Variants in SMIM31 observed in about 807,000 individuals in gnomAD.
SMIM31 encodes human epithelial cell program regulator.
chr4:164,799,361 G>A (rs1291988292), intron 2 of SMIM31, among the ~76,000 whole-genome samples: 1 of 151,848 alleles, frequency 6.6e-6, no homozygotes, highest in Non-Finnish European at 1.5e-5. Flanking sequence ...CTCCAGCCTG[G>A]GCAACAGAGC....
intron 1 of SMIM31, among the ~76,000 whole-genome samples, chr4:164,758,203 C>T (rs1732592556): frequency 6.6e-6 from 1 of 151,820 alleles, no homozygotes; most frequent in South Asian, 2.1e-4. Flanking sequence ...TATATAGAAA[C>T]GCAATTGGTT....
intron 2 of SMIM31, among the ~76,000 whole-genome samples, chr4:164,797,316 G>A (rs2110965233): frequency 6.6e-6 from 1 of 152,072 alleles, no homozygotes; most frequent in Admixed American, 6.6e-5. Flanking sequence ...CTGCAAGAAG[G>A]TAAACTTGGG....
intron 1 of SMIM31, among the ~76,000 whole-genome samples, chr4:164,763,156 G>T (rs553156022): frequency 1.3e-5 from 2 of 152,240 alleles, no homozygotes; most frequent in South Asian, 4.2e-4. Flanking sequence ...TGTAAATTTG[G>T]CAATGCTTCT....
chr4:164,780,271 C>CA (rs1401210836), intron 2 of SMIM31, among the ~76,000 whole-genome samples: 2 of 152,056 alleles, frequency 1.3e-5, no homozygotes, highest in Non-Finnish European at 2.9e-5. Flanking sequence ...ACTAAAAATA[C>CA]AAAAAATTAG....
chr4:164,775,322 C>G (rs2110938721), intron 2 of SMIM31, among the ~76,000 whole-genome samples: 1 of 152,282 alleles, frequency 6.6e-6, no homozygotes, highest in African/African-American at 2.4e-5. Flanking sequence ...AAGCTGCAGA[C>G]AAGAACAGAC....
intron 2 of SMIM31, among the ~76,000 whole-genome samples, chr4:164,792,543 G>A (rs916921977): frequency 6.6e-6 from 1 of 152,124 alleles, no homozygotes; most frequent in Non-Finnish European, 1.5e-5. Context: ...GCCAAAATTT[G>A]TCTAAATTTT....
Position 164,755,240 on chromosome 4 carries a change from G to T in SMIM31, c.-26+829G>T, listed in dbSNP as rs976068957. On this transcript the variant is annotated intron_variant, in intron 1 of 2. Transcript: ENST00000507311. ...CATGCCTGTAATCCCAGTACTTTGG[G>T]AGGCCAAGGCAGGAAGATCACTTGA... 3.3e-5 allele frequency among the ~76,000 whole-genome samples: 5 copies of T among 151,456 alleles called. No homozygotes were observed. In the East Asian group the frequency reaches 1.0e-3, roughly 31 times the overall value.
intron 2 of SMIM31, among the ~76,000 whole-genome samples, chr4:164,782,832 G>C (rs1196831144): frequency 6.6e-6 from 1 of 151,918 alleles, no homozygotes; most frequent in Non-Finnish European, 1.5e-5. Flanking sequence ...TGTACATACA[G>C]GATAGTTTTT....
rs547812071 is a variant in SMIM31, at chr4:164,794,878, G to A, written c.113-6213G>A. Among the ~76,000 whole-genome samples the A allele has an allele frequency of 6.3e-3, 958 of 151,290 alleles. 5 individuals are homozygous for A. Among genetic ancestry groups the A allele is most frequent in the Admixed American group, 0.01 (157 of 15,200 alleles). On this transcript the variant is annotated intron_variant, in intron 2 of 2. Coordinates refer to ENST00000507311, the MANE Select transcript of SMIM31 (RefSeq NM_001352885.1). ...ATATCTTATAGAGATACACAGAGAG[G>A]AAGAGAAAGTATAAAAATATTTTTT...
chr4:164,781,742 T>A (rs1379394258), intron 2 of SMIM31, among the ~76,000 whole-genome samples: 3 of 152,112 alleles, frequency 2.0e-5, no homozygotes, highest in African/African-American at 7.2e-5. Context: ...TGAGACCCAC[T>A]GTGCCAAGCA....
chr4:164,794,855 A>G (rs1733168307), intron 2 of SMIM31, among the ~76,000 whole-genome samples: 1 of 151,800 alleles, frequency 6.6e-6, no homozygotes, highest in Non-Finnish European at 1.5e-5. Context: ...AAATGAATAT[A>G]TCTTATAGAG....
chr4:164,770,506 C>T lies in SMIM31; in HGVS notation c.63C>T (p.Ser21=), dbSNP rs1245899212. 1.5e-5 allele frequency: 6 copies of T among 398,368 alleles called. No homozygotes were observed. Among genetic ancestry groups the T allele is most frequent in the African/African-American group, 1.2e-4 (6 of 48,526 alleles). 24.7% of individuals were successfully genotyped at this position (398,368 alleles called of 1,614,324 possible). The part of the protein sequence containing the change: ...AFILLAFVIF[S]LFTLASIYTT... ...TTTTATTGGCTTTTGTTATCTTTTCCTTATTTACCCTGGCTTCCATCTACA... is the reference window on the plus strand; with the variant it reads ...TTTTATTGGCTTTTGTTATCTTTTCTTTATTTACCCTGGCTTCCATCTACA... Residue 21 remains serine (S), a synonymous_variant, in exon 2 of 3, where the codon TCC becomes TCT. Transcript: ENST00000507311.
intron 1 of SMIM31, among the ~76,000 whole-genome samples, chr4:164,763,138 T>C (rs929520131): frequency 2.6e-5 from 4 of 152,220 alleles, no homozygotes; most frequent in Admixed American, 6.5e-5. Context: ...ACCTATACTT[T>C]AGAGACTTGT....
At chr4:164,775,463 A>G (rs77565334) in intron 2 of SMIM31, among the ~76,000 whole-genome samples, 5,367 of 152,300 alleles carry the variant, frequency 0.035, 316 homozygotes, top group African/African-American at 0.12. Context: ...ACTTCTCCTG[A>G]TAGCAAAACA....
At chr4:164,767,497 T>C (rs1732735362) in intron 1 of SMIM31, among the ~76,000 whole-genome samples, 1 of 152,208 alleles carries the variant, frequency 6.6e-6, no homozygotes, top group African/African-American at 2.4e-5. Context: ...GAACAAGTGA[T>C]ACATTTTTGC....
Position 164,757,736 on chromosome 4 carries a change from G to A in SMIM31, c.-26+3325G>A, listed in dbSNP as rs1282069272. Among the ~76,000 whole-genome samples, 6 of 152,004 alleles carry A rather than the reference G, an allele frequency of 3.9e-5. No individual in the cohort carries two copies. The South Asian group carries it at 1.0e-3, about 26-fold the overall frequency. ...AGGAAATCAAATGTCATAAAGGGTC[G>A]ATCTTAATTTTGAACCCTTTATTTA... is the stretch of plus-strand genomic sequence containing the variant. On this transcript the variant is annotated intron_variant, in intron 1 of 2. Transcript: ENST00000507311.
chr4:164,773,029 T>TAAAAA lies in SMIM31; in HGVS notation c.112+2496_112+2500dup, dbSNP rs56863708. On this transcript the variant is annotated intron_variant, in intron 2 of 2. Coordinates refer to ENST00000507311, the MANE Select transcript of SMIM31 (RefSeq NM_001352885.1). ...TAACCTTGAAAAAGACACTTGGCTTTAAAAAAAAAAAAAAAAAAAAAAAAA... is the reference window on the plus strand; with the variant it reads ...TAACCTTGAAAAAGACACTTGGCTTTAAAAAAAAAAAAAAAAAAAAAAAAAAAAAA... Among the ~76,000 whole-genome samples, 100 of 76,656 alleles carry TAAAAA rather than the reference T, an allele frequency of 1.3e-3. 5 individuals are homozygous for TAAAAA. Among genetic ancestry groups the TAAAAA allele is most frequent in the African/African-American group, 4.6e-3 (94 of 20,398 alleles). 50.3% of individuals were successfully genotyped at this position (76,656 alleles called of 152,430 possible).
chr4:164,797,759 G>A (rs538061492), intron 2 of SMIM31, among the ~76,000 whole-genome samples: 1 of 152,166 alleles, frequency 6.6e-6, no homozygotes, highest in African/African-American at 2.4e-5. Flanking sequence ...CACCGCGCCT[G>A]GCCTAAAGTG....
At chr4:164,782,068 A>G (rs1056780113) in intron 2 of SMIM31, among the ~76,000 whole-genome samples, 3 of 152,020 alleles carry the variant, frequency 2.0e-5, no homozygotes, top group Non-Finnish European at 4.4e-5. Flanking sequence ...AGGCGGGTGG[A>G]TCACCTGAGG....
Sources: gnomAD v4.1 joint callset for allele counts (sites outside exome capture counted in the v4.1 genomes callset) on GRCh38, gnomAD v4.1.1 for gene constraint, MANE v1.5 for transcripts, NCBI Gene and HGNC (gene_info 2026-07-23, HGNC 2026-07-21) for gene names.